The following BNC2 variants were observed in gnomAD, a reference collection of about 807,000 sequenced individuals.
BNC2 encodes basonuclin zinc finger protein 2.
A neutral mutation model predicts 76.3 loss-of-function variants in BNC2; 20 were observed. That is an observed-to-expected ratio of 0.26 (90% CI 0.18 to 0.38). BNC2 has a LOEUF of 0.38. Ranked by LOEUF, BNC2 falls within the 10% of genes least tolerant of loss-of-function variation. The pLI is 1.00. For synonymous variants in BNC2, 582 were observed against 514.8 expected (o/e 1.13, Z -1.77); for missense variants, 1,382 against 1,399.8 (o/e 0.99, Z 0.20).
intron 1 of BNC2, among the ~76,000 whole-genome samples, chr9:16,870,093 C>G (rs1376218980): frequency 6.6e-6 from 1 of 152,118 alleles, no homozygotes; most frequent in African/African-American, 2.4e-5. Context: ...GGGAAGATTC[C>G]GAATGTGAAG....
intron 3 of BNC2, among the ~76,000 whole-genome samples, chr9:16,661,119 G>T (rs1312316836): frequency 6.6e-6 from 1 of 152,124 alleles, no homozygotes; most frequent in East Asian, 1.9e-4. Flanking sequence ...ACGTCATGTG[G>T]TAAAATTGAT....
intron 3 of BNC2, among the ~76,000 whole-genome samples, chr9:16,676,555 T>C (rs1477968970): frequency 1.3e-5 from 2 of 152,214 alleles, no homozygotes; most frequent in Non-Finnish European, 2.9e-5. Context: ...TAGGTAACAT[T>C]CTCTCACAGA....
chr9:16,667,594 A>AT lies in BNC2; in HGVS notation c.330+60202dup, dbSNP rs1822338493. 4.6e-5 allele frequency among the ~76,000 whole-genome samples: 7 copies of AT among 152,322 alleles called. No individual in the cohort carries two copies. In the South Asian group the frequency reaches 1.5e-3, roughly 32 times the overall value. On this transcript the variant is annotated intron_variant, in intron 3 of 6. Coordinates refer to ENST00000380672, the MANE Select transcript of BNC2 (RefSeq NM_017637.6). ...TTCAACTTCTTCTTGACATAATTAA[A>AT]TTAAATGAGATAGCCTTTTGACAGC... is the stretch of plus-strand genomic sequence containing the variant.
chr9:16,442,803 T>C (rs1448148453), intron 5 of BNC2, among the ~76,000 whole-genome samples: 3 of 152,108 alleles, frequency 2.0e-5, no homozygotes, highest in Middle Eastern at 3.4e-3. Context: ...GCTCCAGTAG[T>C]CAAATTGTTA....
At chr9:16,625,434 C>A (rs920953732) in intron 3 of BNC2, among the ~76,000 whole-genome samples, 2 of 152,146 alleles carry the variant, frequency 1.3e-5, no homozygotes, top group Non-Finnish European at 2.9e-5. Flanking sequence ...ACCTTAATTT[C>A]TTCTAACATA....
At chr9:16,628,701 C>G (rs571623511) in intron 3 of BNC2, among the ~76,000 whole-genome samples, 2 of 152,146 alleles carry the variant, frequency 1.3e-5, no homozygotes, top group Non-Finnish European at 2.9e-5. Context: ...TTTAAACTTG[C>G]CATTTATACA....
chr9:16,676,934 C>T (rs780170584), intron 3 of BNC2, among the ~76,000 whole-genome samples: 2 of 152,030 alleles, frequency 1.3e-5, no homozygotes, highest in Non-Finnish European at 2.9e-5. Flanking sequence ...TTACAGAAGG[C>T]GAATTAAGAA....
intron 3 of BNC2, among the ~76,000 whole-genome samples, chr9:16,647,189 G>C (rs1382283464): frequency 6.6e-6 from 1 of 152,046 alleles, no homozygotes; most frequent in Non-Finnish European, 1.5e-5. Flanking sequence ...GTTGAGATTT[G>C]GGCACAGCAC....
chr9:16,495,564 A>G (rs1216631704), intron 5 of BNC2, among the ~76,000 whole-genome samples: 1 of 152,224 alleles, frequency 6.6e-6, no homozygotes, highest in Admixed American at 6.5e-5. Context: ...GCACTGCCCA[A>G]AGTGCCACCA....
At chr9:16,869,425 G>GT (rs988429260) in intron 1 of BNC2, among the ~76,000 whole-genome samples, 1 of 152,130 alleles carries the variant, frequency 6.6e-6, no homozygotes, top group Non-Finnish European at 1.5e-5. Flanking sequence ...GTGTGTGTGT[G>GT]TGTGTGTACG....
intron 3 of BNC2, among the ~76,000 whole-genome samples, chr9:16,725,486 G>A (rs1182284712): frequency 2.6e-5 from 4 of 151,898 alleles, no homozygotes; most frequent in African/African-American, 9.7e-5. Flanking sequence ...TGGGTTGGGG[G>A]GATAGGAGTG....
intron 5 of BNC2, among the ~76,000 whole-genome samples, chr9:16,450,402 G>A (rs1821316976): frequency 6.6e-6 from 1 of 152,196 alleles, no homozygotes; most frequent in Non-Finnish European, 1.5e-5. Context: ...TGTGAGAACA[G>A]GAAGAAACAT....
chr9:16,435,488 AGT>A, intron 6 of BNC2, 65 bp downstream of exon 6: 2 of 1,561,724 alleles, frequency 1.3e-6, no homozygotes, highest in Non-Finnish European at 1.8e-6. Context: ...TTTAGTGTGA[AGT>A]CCAACATGAC....
chr9:16,737,842 G>A lies in BNC2; in HGVS notation c.129+518C>T, dbSNP rs565665978. ...TGATGGAGAATAGTGGCTGGGCTAAGGGACACTTTTGGGGTTCAGGTAGTG... is the reference window on the plus strand; with the variant it reads ...TGATGGAGAATAGTGGCTGGGCTAAAGGACACTTTTGGGGTTCAGGTAGTG... On this transcript the variant is annotated intron_variant, in intron 2 of 6. Coordinates refer to ENST00000380672, the MANE Select transcript of BNC2 (RefSeq NM_017637.6). Among the ~76,000 whole-genome samples the A allele has an allele frequency of 3.3e-5, 5 of 152,148 alleles. No individual in the cohort carries two copies. In the East Asian group the frequency reaches 9.7e-4, roughly 29 times the overall value.
At chr9:16,806,893 T>A (rs937405580) in intron 1 of BNC2, among the ~76,000 whole-genome samples, 2 of 152,212 alleles carry the variant, frequency 1.3e-5, no homozygotes, top group African/African-American at 4.8e-5. Context: ...CAGCTCTGCA[T>A]GCTGACCAGA....
chr9:16,512,660 A>C (rs144219370), intron 5 of BNC2, among the ~76,000 whole-genome samples: 24 of 152,320 alleles, frequency 1.6e-4, no homozygotes, highest in African/African-American at 5.8e-4. Flanking sequence ...TTTTATGTAC[A>C]CTATAAAACT....
chr9:16,535,395 A>T (rs1315807783), intron 5 of BNC2, among the ~76,000 whole-genome samples: 2 of 152,208 alleles, frequency 1.3e-5, no homozygotes, highest in Non-Finnish European at 2.9e-5. Flanking sequence ...TTCACTATAA[A>T]CATAGTTAGG....
At chr9:16,664,982 T>C in intron 3 of BNC2, 1 of 449,780 alleles carries the variant, frequency 2.2e-6, no homozygotes, top group Non-Finnish European at 4.5e-6. Context: ...CAATGCTTCA[T>C]GGCAGAAGCA....
At position 16,409,974 on chromosome 9, in the gene BNC2, C is replaced by G. The variant is rs769332756; in HGVS notation, c.*9015G>C. ...ACTCTGGGAGAGGGAGAGGACATATCTTAGTGAAAATTCCTTTTCTTCAAG... is the reference window on the plus strand; with the variant it reads ...ACTCTGGGAGAGGGAGAGGACATATGTTAGTGAAAATTCCTTTTCTTCAAG... On this transcript the variant is annotated 3_prime_UTR_variant, in exon 7 of 7. Coordinates refer to ENST00000380672, the MANE Select transcript of BNC2 (RefSeq NM_017637.6). 6.6e-6 allele frequency: 1 copy of G among 152,200 alleles called. No individual in the cohort carries two copies. Among genetic ancestry groups the G allele is most frequent in the Admixed American group, 6.5e-5 (1 of 15,284 alleles). The allele number at this position is 152,200 out of a possible 1,614,324, so 9.4% of individuals were successfully genotyped here.
Sources: gnomAD v4.1 joint callset for allele counts (sites outside exome capture counted in the v4.1 genomes callset) on GRCh38, gnomAD v4.1.1 for gene constraint, MANE v1.5 for transcripts, NCBI Gene and HGNC (gene_info 2026-07-23, HGNC 2026-07-21) for gene names.